The following ENPP1 variants were observed in gnomAD, a reference collection of about 807,000 sequenced individuals.
ENPP1 encodes the protein ectonucleotide pyrophosphatase/phosphodiesterase 1, also known as ectonucleotide pyrophosphatase/phosphodiesterase family member 1.
Under a neutral mutation model 122.8 loss-of-function variants are expected in ENPP1, and 73 were observed. The ratio of observed to expected loss-of-function variants is 0.59; its 90% CI spans 0.49 to 0.72. The LOEUF (loss-of-function observed/expected upper bound fraction) is 0.72, where lower values mean the gene tolerates loss of function less well. Among genes scored for constraint, ENPP1 ranks in the 30% least tolerant of loss-of-function variants. The probability of loss-of-function intolerance (pLI) is 0.00; values close to 1 mark genes in which losing one functional copy is unlikely to be tolerated. For synonymous variants in ENPP1, 367 were observed against 391.6 expected, an observed-to-expected ratio of 0.94 and a Z score of 0.74; for missense variants, 978 against 1,128.1, an observed-to-expected ratio of 0.87 and a Z score of 1.91.
At chr6:131,827,289 G>T in intron 1 of ENPP1, 1 of 1,329,776 alleles carries the variant, frequency 7.5e-7, no homozygotes, top group Non-Finnish European at 1.1e-6. Flanking sequence ...GGAATAAAAA[G>T]GATCATACTG....
At chr6:131,864,728 A>G in intron 10 of ENPP1, 138 bp from the exon 11 acceptor site, 5 of 809,120 alleles carry the variant, frequency 6.2e-6, no homozygotes, top group Non-Finnish European at 1.0e-5. Context: ...GAAGAATTTC[A>G]AAGCTGTAAA....
intron 1 of ENPP1, chr6:131,820,172 G>A (rs1224738286): frequency 1.0e-5 from 3 of 286,182 alleles, no homozygotes; most frequent in Non-Finnish European, 2.0e-5. Context: ...TGGTTTTAAA[G>A]AAGAATGTCC....
chr6:131,871,275 G>A (rs891012072), intron 13 of ENPP1, among the ~76,000 whole-genome samples: 4 of 152,226 alleles, frequency 2.6e-5, no homozygotes, highest in Middle Eastern at 3.4e-3. Context: ...TCAAATTTAT[G>A]TAATGTTTGG....
At chr6:131,888,225 C>T (rs1363451442) in intron 24 of ENPP1, among the ~76,000 whole-genome samples, 2 of 137,360 alleles carry the variant, frequency 1.5e-5, no homozygotes. Context: ...CAGAGTACTT[C>T]CTACATTTCC....
intron 21 of ENPP1, among the ~76,000 whole-genome samples, chr6:131,883,268 C>T (rs1782335471): frequency 6.6e-6 from 1 of 152,138 alleles, no homozygotes; most frequent in South Asian, 2.1e-4. Flanking sequence ...ACAGAGAAGC[C>T]TTGTATGGTG....
intron 11 of ENPP1, among the ~76,000 whole-genome samples, chr6:131,867,585 A>C (rs1306206642): frequency 6.6e-6 from 1 of 152,208 alleles, no homozygotes; most frequent in Non-Finnish European, 1.5e-5. Flanking sequence ...AGAAAGTATA[A>C]GAAGAAATGA....
At chr6:131,826,739 C>G (rs1016611435) in intron 1 of ENPP1, 1 of 500,156 alleles carries the variant, frequency 2.0e-6, no homozygotes, top group African/African-American at 1.9e-5. Context: ...CTTGTGGGAT[C>G]TGGGAGAGGC....
At chr6:131,871,069 C>T (rs1782156104) in intron 13 of ENPP1, among the ~76,000 whole-genome samples, 1 of 150,682 alleles carries the variant, frequency 6.6e-6, no homozygotes, top group Non-Finnish European at 1.5e-5. Context: ...AGAGAGACTC[C>T]ATCTAAAAAA....
At chr6:131,819,855 T>C (rs1244945354) in intron 1 of ENPP1, 5 of 447,166 alleles carry the variant, frequency 1.1e-5, no homozygotes, top group South Asian at 2.0e-5. Context: ...ACGCAAATGA[T>C]TGATTCGACC....
Position 131,872,937 on chromosome 6 carries a change from C to T in ENPP1, c.1452C>T (p.Asn484=). The part of the protein sequence containing the change: ...IARNLSCREP[N]QHFKPYLKHF... Reference sequence around the variant, plus strand: ...TGCAATTTCAGTGCCGGGAACCAAACCAGCACTTCAAACCTTACCTGAAAC... The same window carrying T: ...TGCAATTTCAGTGCCGGGAACCAAATCAGCACTTCAAACCTTACCTGAAAC... The change falls in exon 15 of 25, where the codon AAC becomes AAT. Residue 484 remains asparagine, a synonymous_variant. Coordinates refer to ENST00000647893, the MANE Select transcript of ENPP1 (RefSeq NM_006208.3). 1.2e-6 allele frequency: 2 copies of T among 1,613,696 alleles called. No individual in the cohort carries two copies. Among genetic ancestry groups the T allele is most frequent in the Non-Finnish European group, 8.5e-7 (1 of 1,179,710 alleles).
intron 13 of ENPP1, among the ~76,000 whole-genome samples, chr6:131,870,419 C>A (rs1211173207): frequency 1.3e-5 from 2 of 152,152 alleles, no homozygotes; most frequent in Non-Finnish European, 2.9e-5. Context: ...ATAACTGTTT[C>A]CACCTCTGTT....
chr6:131,827,980 C>T, intron 1 of ENPP1: 1 of 743,252 alleles, frequency 1.3e-6, no homozygotes, highest in Non-Finnish European at 2.4e-6. Context: ...AAGCTTGGAG[C>T]TGGTACCTGG....
At chr6:131,865,011 G>A in intron 11 of ENPP1, 73 bp downstream of exon 11, 1 of 897,302 alleles carries the variant, frequency 1.1e-6, no homozygotes, top group Non-Finnish European at 1.9e-6. Flanking sequence ...GAAGGAGGCT[G>A]CTAGACCATT....
At chr6:131,826,547 T>G (rs17060795) in intron 1 of ENPP1, 34,841 of 1,231,878 alleles carry the variant, frequency 0.028, 2,117 homozygotes, top group East Asian at 0.26. Context: ...TTATTTTCCT[T>G]TAGGTCTAAC....
At chr6:131,882,295 T>G in intron 20 of ENPP1, 50 bp from the exon 21 acceptor site, 1 of 1,545,048 alleles carries the variant, frequency 6.5e-7, no homozygotes, top group Admixed American at 1.7e-5. Flanking sequence ...TAAAGCAATT[T>G]TCTTCTCTGT....
At chr6:131,873,177 C>T in intron 15 of ENPP1, 127 bp downstream of exon 15, 1 of 1,118,842 alleles carries the variant, frequency 8.9e-7, no homozygotes, top group African/African-American at 1.5e-5. Flanking sequence ...CACTCTAACC[C>T]AGGATTTCTA....
At chr6:131,857,963 T>A (rs1781970762) in intron 6 of ENPP1, among the ~76,000 whole-genome samples, 1 of 152,214 alleles carries the variant, frequency 6.6e-6, no homozygotes, top group Admixed American at 6.5e-5. Flanking sequence ...TAGCTTTGAA[T>A]AATTAGGGAA....
chr6:131,851,858 AG>A (rs1389143295), intron 4 of ENPP1, among the ~76,000 whole-genome samples: 1 of 152,210 alleles, frequency 6.6e-6, no homozygotes, highest in Non-Finnish European at 1.5e-5. Flanking sequence ...AGTGGATAGA[AG>A]GGGAGGGTTG....
At chr6:131,876,900 T>A in intron 17 of ENPP1, 92 bp from the exon 18 acceptor site, 3 of 1,156,380 alleles carry the variant, frequency 2.6e-6, no homozygotes, top group Non-Finnish European at 3.9e-6. Context: ...GACTCATGTA[T>A]TTGGTTTTAA....
Sources: allele counts gnomAD v4.1 joint callset (sites outside exome capture counted in the v4.1 genomes callset), GRCh38; gene constraint gnomAD v4.1.1; transcripts MANE v1.5; gene names NCBI Gene and HGNC (gene_info 2026-07-23, HGNC 2026-07-21).